Variants in GRM5 observed in about 807,000 individuals in gnomAD.
The protein encoded by GRM5 is glutamate metabotropic receptor 5.
In GRM5, 19 loss-of-function variants were observed where a neutral mutation model predicts 83.1. The ratio of observed to expected loss-of-function variants is 0.23; its 90% confidence interval spans 0.16 to 0.34. The LOEUF (loss-of-function observed/expected upper bound fraction) is 0.34, where lower values mean the gene tolerates loss of function less well. Among genes scored for constraint, GRM5 ranks in the 10% least tolerant of loss-of-function variants. GRM5 has a pLI of 1.00. For missense variants in GRM5, 1,160 were observed against 1,588.3 expected, an observed-to-expected ratio of 0.73 and a Z score of 4.58; for synonymous variants, 675 against 633.6, an observed-to-expected ratio of 1.07 and a Z score of -0.98.
chr11:88,654,978 G>T (rs1343835077), intron 3 of GRM5, among the ~76,000 whole-genome samples: 2 of 151,932 alleles, frequency 1.3e-5, no homozygotes, highest in Non-Finnish European at 2.9e-5. Flanking sequence ...GATATCATAA[G>T]GGCTTGAGAT....
intron 3 of GRM5, among the ~76,000 whole-genome samples, chr11:88,787,141 G>A (rs925505806): frequency 1.4e-5 from 1 of 72,642 alleles, no homozygotes; most frequent in African/African-American, 4.1e-5. Context: ...ATGTGTGTGT[G>A]TGTGTGTGTG....
intron 1 of GRM5, among the ~76,000 whole-genome samples, chr11:89,064,888 C>CTGTGTGTGTGTGTG (rs71464050): frequency 1.6e-5 from 1 of 62,266 alleles, no homozygotes; most frequent in Admixed American, 1.7e-4. Flanking sequence ...CTCTCTCTCT[C>CTGTGTGTGTGTGTG]TGTGTGTGTG....
At chr11:88,938,320 T>C (rs1937969394) in intron 2 of GRM5, among the ~76,000 whole-genome samples, 2 of 151,646 alleles carry the variant, frequency 1.3e-5, no homozygotes, top group Admixed American at 6.6e-5. Context: ...ACTTTGATTT[T>C]TGTGTTTTAA....
At position 88,743,044 on chromosome 11, in the gene GRM5, T is replaced by C. The variant is rs912636018; in HGVS notation, c.912-89641A>G. On this transcript the variant is annotated intron_variant, in intron 3 of 9. Transcript: ENST00000305447. ...AAAGATGCATTTAAAAACAGCGAGA[T>C]TGCTATGAAAATATACCTTCAAGGA... Among the ~76,000 whole-genome samples the C allele has an allele frequency of 2.0e-5, 3 of 152,106 alleles. No individual in the cohort carries two copies. In the East Asian group the frequency reaches 5.8e-4, roughly 29 times the overall value.
intron 2 of GRM5, among the ~76,000 whole-genome samples, chr11:88,991,845 C>T (rs1939986358): frequency 6.6e-6 from 1 of 151,980 alleles, no homozygotes; most frequent in South Asian, 2.1e-4. Flanking sequence ...TTCCTTACAC[C>T]TTATACAAAA....
chr11:88,743,571 A>G (rs774535078), intron 3 of GRM5, among the ~76,000 whole-genome samples: 3 of 152,096 alleles, frequency 2.0e-5, no homozygotes, highest in Non-Finnish European at 2.9e-5. Context: ...AAGGCATTGT[A>G]TCTTTTCTTC....
At chr11:88,926,988 T>C (rs547574426) in intron 2 of GRM5, among the ~76,000 whole-genome samples, 1 of 152,316 alleles carries the variant, frequency 6.6e-6, no homozygotes, top group South Asian at 2.1e-4. Flanking sequence ...ATGTTTGAAC[T>C]ATTCACAGGA....
chr11:88,541,372 A>G (rs1404819299), intron 8 of GRM5, among the ~76,000 whole-genome samples: 2 of 152,254 alleles, frequency 1.3e-5, no homozygotes, highest in Non-Finnish European at 2.9e-5. Flanking sequence ...AGAGTGTGAT[A>G]AGCTAATGCA....
At chr11:88,847,948 C>A (rs1464195484) in intron 3 of GRM5, among the ~76,000 whole-genome samples, 1 of 152,194 alleles carries the variant, frequency 6.6e-6, no homozygotes, top group Non-Finnish European at 1.5e-5. Context: ...GATCAAAGAA[C>A]ATTTGCTTTT....
Position 88,761,896 on chromosome 11 carries a change from C to T in GRM5, c.911+88010G>A, listed in dbSNP as rs138641449. Among the ~76,000 whole-genome samples, 483 of 151,940 alleles carry T rather than the reference C, an allele frequency of 3.2e-3. 3 individuals are homozygous for T. Among genetic ancestry groups the T allele is most frequent in the African/African-American group, 0.011 (461 of 41,462 alleles). ...AATAGAGGACCCAGAAATAATGCCA[C>T]ACTTACAACCATCTGATCTTTGAGA... On this transcript the variant is annotated intron_variant, in intron 3 of 9. Transcript: ENST00000305447.
chr11:88,796,778 C>G (rs935010654), intron 3 of GRM5, among the ~76,000 whole-genome samples: 1 of 151,962 alleles, frequency 6.6e-6, no homozygotes, highest in African/African-American at 2.4e-5. Flanking sequence ...TTCTTTGTCA[C>G]AAGTTGACTT....
At chr11:88,531,380 G>C (rs533534078) in intron 8 of GRM5, among the ~76,000 whole-genome samples, 1 of 152,232 alleles carries the variant, frequency 6.6e-6, no homozygotes, top group East Asian at 1.9e-4. Flanking sequence ...ATATGGTTTG[G>C]AAGGGAAAGG....
intron 2 of GRM5, among the ~76,000 whole-genome samples, chr11:88,948,559 G>C (rs1938352623): frequency 6.6e-6 from 1 of 152,140 alleles, no homozygotes; most frequent in Admixed American, 6.6e-5. Flanking sequence ...GGTCTAACCT[G>C]GCGAAATGCA....
At chr11:88,882,911 A>T (rs1022742436) in intron 2 of GRM5, among the ~76,000 whole-genome samples, 2 of 151,980 alleles carry the variant, frequency 1.3e-5, no homozygotes, top group Admixed American at 1.3e-4. Flanking sequence ...GTCTCACAAG[A>T]TCTGATGGTT....
chr11:88,665,955 A>T (rs1415118609), intron 3 of GRM5, among the ~76,000 whole-genome samples: 1 of 152,194 alleles, frequency 6.6e-6, no homozygotes, highest in Non-Finnish European at 1.5e-5. Flanking sequence ...TTGGGACAGA[A>T]GCACCAGGTG....
At chr11:88,979,742 A>C (rs1379741634) in intron 2 of GRM5, among the ~76,000 whole-genome samples, 1 of 152,118 alleles carries the variant, frequency 6.6e-6, no homozygotes, top group Non-Finnish European at 1.5e-5. Context: ...CCTGTGCTGC[A>C]GTAGAGAGAG....
intron 3 of GRM5, among the ~76,000 whole-genome samples, chr11:88,799,939 T>C (rs1001564428): frequency 1.3e-5 from 2 of 152,094 alleles, no homozygotes; most frequent in Admixed American, 6.6e-5. Flanking sequence ...CAACAGACTC[T>C]GTGGGCCAAT....
At chr11:88,589,797 C>CT (rs1320371342) in intron 7 of GRM5, among the ~76,000 whole-genome samples, 1 of 152,088 alleles carries the variant, frequency 6.6e-6, no homozygotes, top group Non-Finnish European at 1.5e-5. Flanking sequence ...CATATTTTTA[C>CT]TTTTTTGCCT....
intron 2 of GRM5, among the ~76,000 whole-genome samples, chr11:88,893,367 G>A (rs1172455426): frequency 1.3e-5 from 2 of 151,990 alleles, no homozygotes; most frequent in African/African-American, 2.4e-5. Flanking sequence ...GAAGATTTGA[G>A]CATGTTATAG....
Sources: allele counts gnomAD v4.1 joint callset (sites outside exome capture counted in the v4.1 genomes callset), GRCh38; gene constraint gnomAD v4.1.1; transcripts MANE v1.5; gene names NCBI Gene and HGNC (gene_info 2026-07-23, HGNC 2026-07-21).